FAM171A1: variants seen among roughly 807,000 people sequenced by gnomAD.
FAM171A1 encodes the protein family with sequence similarity 171 member A1.
Under a neutral mutation model 74.9 loss-of-function variants are expected in FAM171A1, and 23 were observed. The ratio of observed to expected loss-of-function variants is 0.31; its 90% confidence interval spans 0.22 to 0.44. The LOEUF is 0.44. Among genes scored for constraint, FAM171A1 ranks in the 20% least tolerant of loss-of-function variants. FAM171A1 has a pLI of 1.00. For missense variants in FAM171A1, 1,162 were observed against 1,159.2 expected (o/e 1.00, Z -0.03); for synonymous variants, 527 against 505.7 (o/e 1.04, Z -0.57).
At chr10:15,365,812 A>G (rs1836054114) in intron 1 of FAM171A1, among the ~76,000 whole-genome samples, 1 of 152,030 alleles carries the variant, frequency 6.6e-6, no homozygotes, top group South Asian at 2.1e-4. Context: ...AGAAAGAAAG[A>G]AAGATGAGCA....
rs188514220 is a variant in FAM171A1, at chr10:15,328,750, C to A, written c.97+42206G>T. ...GGGATCTGGCAACCTCATGTTCACACAGCCCAGGCCCTGGCAACCATCCTT... is the reference window on the plus strand; with the variant it reads ...GGGATCTGGCAACCTCATGTTCACAAAGCCCAGGCCCTGGCAACCATCCTT... On this transcript the variant is annotated intron_variant, in intron 1 of 7. Coordinates refer to ENST00000378116, the MANE Select transcript of FAM171A1 (RefSeq NM_001010924.2). 4.7e-3 allele frequency among the ~76,000 whole-genome samples: 712 copies of A among 152,268 alleles called. 6 individuals carry two copies. The highest frequency in any genetic ancestry group is 0.016 in the African/African-American group (645 of 41,542).
chr10:15,229,791 AT>A (rs1834173720), intron 5 of FAM171A1, among the ~76,000 whole-genome samples: 1 of 28,200 alleles, frequency 3.5e-5, no homozygotes, highest in Admixed American at 3.5e-4. Flanking sequence ...CATCACCACC[AT>A]CACCATCATC....
chr10:15,339,012 T>C (rs1043565433), intron 1 of FAM171A1, among the ~76,000 whole-genome samples: 1 of 152,224 alleles, frequency 6.6e-6, no homozygotes, highest in Admixed American at 6.5e-5. Context: ...GTGTTGGGAT[T>C]ATAGGCATGA....
In FAM171A1 at chr10:15,212,112, G is replaced by T. The variant is rs1833897311; in HGVS notation, c.*803C>A. On this transcript the variant is annotated 3_prime_UTR_variant, in exon 8 of 8. Coordinates refer to ENST00000378116, the MANE Select transcript of FAM171A1 (RefSeq NM_001010924.2). Reference sequence around the variant, plus strand: ...AAATCCAGGCAGTTCCATTAAAGGGGTTAAGAAAACCAACAACAACAAAAA... The same window carrying T: ...AAATCCAGGCAGTTCCATTAAAGGGTTTAAGAAAACCAACAACAACAAAAA... 6.6e-6 allele frequency: 1 copy of T among 152,630 alleles called. No homozygotes were observed. The highest frequency in any genetic ancestry group is 2.1e-4 in the South Asian group (1 of 4,830). 9.5% of individuals were successfully genotyped at this position (152,630 alleles called of 1,614,324 possible).
At chr10:15,302,963 C>A (rs575447363) in intron 1 of FAM171A1, among the ~76,000 whole-genome samples, 9 of 152,222 alleles carry the variant, frequency 5.9e-5, no homozygotes, top group African/African-American at 2.2e-4. Flanking sequence ...CCGAGGTAGG[C>A]GGATTACCTG....
chr10:15,267,171 G>C (rs957401287), intron 3 of FAM171A1, among the ~76,000 whole-genome samples: 7 of 152,224 alleles, frequency 4.6e-5, no homozygotes, highest in African/African-American at 1.7e-4. Context: ...GAGATCAACA[G>C]GGCCTGTGTC....
chr10:15,355,944 A>G (rs78109755), intron 1 of FAM171A1, among the ~76,000 whole-genome samples: 17 of 152,098 alleles, frequency 1.1e-4, no homozygotes, highest in Non-Finnish European at 1.9e-4. Flanking sequence ...TATCCACACC[A>G]TACCTTATCT....
At chr10:15,286,874 T>C (rs1256013743) in intron 1 of FAM171A1, among the ~76,000 whole-genome samples, 1 of 152,160 alleles carries the variant, frequency 6.6e-6, no homozygotes, top group Non-Finnish European at 1.5e-5. Context: ...GAGCTATGGG[T>C]GTGTACCAAA....
chr10:15,215,852 G>T lies in FAM171A1; in HGVS notation c.986+144C>A, dbSNP rs994804186. On this transcript the variant is annotated intron_variant, in intron 7 of 7. Transcript: ENST00000378116. ...GTTGCAACTTAGATCACAAATGTGAGTTCTTACTTTTTCATGGGAAGAAAA... is the reference window on the plus strand; with the variant it reads ...GTTGCAACTTAGATCACAAATGTGATTTCTTACTTTTTCATGGGAAGAAAA... The T allele has an allele frequency of 5.2e-6, 3 of 575,402 alleles. No individual in the cohort carries two copies. In the African/African-American group the frequency reaches 5.7e-5, roughly 11 times the overall value. The allele number at this position is 575,402 out of a possible 1,614,324, so 35.6% of individuals were successfully genotyped here.
chr10:15,360,763 A>G (rs2131888867), intron 1 of FAM171A1, among the ~76,000 whole-genome samples: 1 of 152,338 alleles, frequency 6.6e-6, no homozygotes, highest in Middle Eastern at 3.4e-3. Flanking sequence ...GTATAGTCAG[A>G]TCAGCTCATG....
chr10:15,225,045 C>T (rs1834087079), intron 5 of FAM171A1, among the ~76,000 whole-genome samples: 1 of 152,234 alleles, frequency 6.6e-6, no homozygotes, highest in Admixed American at 6.5e-5. Context: ...TGTCTTGGCA[C>T]ATCCTGGGCA....
chr10:15,305,376 AT>A (rs1002735619), intron 1 of FAM171A1, among the ~76,000 whole-genome samples: 1 of 152,194 alleles, frequency 6.6e-6, no homozygotes, highest in African/African-American at 2.4e-5. Flanking sequence ...TATAATGTCT[AT>A]AAAAGAACTG....
intron 1 of FAM171A1, among the ~76,000 whole-genome samples, chr10:15,336,890 A>C (rs915237523): frequency 2.1e-5 from 3 of 145,104 alleles, no homozygotes; most frequent in African/African-American, 7.5e-5. Context: ...GTGTACCATG[A>C]ATTTTCTTTC....
At chr10:15,294,031 G>A (rs1835132701) in intron 1 of FAM171A1, among the ~76,000 whole-genome samples, 1 of 152,192 alleles carries the variant, frequency 6.6e-6, no homozygotes, top group African/African-American at 2.4e-5. Context: ...AAGAAGCAGG[G>A]CCTTTTTCTG....
intron 3 of FAM171A1, among the ~76,000 whole-genome samples, chr10:15,255,804 C>G (rs892368678): frequency 6.6e-6 from 1 of 151,918 alleles, no homozygotes; most frequent in Non-Finnish European, 1.5e-5. Context: ...CCCGCCACCA[C>G]ACCCAGCTAA....
intron 1 of FAM171A1, among the ~76,000 whole-genome samples, chr10:15,339,014 T>C (rs540500354): frequency 1.3e-3 from 191 of 152,308 alleles, no homozygotes; most frequent in African/African-American, 4.4e-3. Flanking sequence ...GTTGGGATTA[T>C]AGGCATGAGC....
At chr10:15,219,416 C>T (rs574201435) in intron 6 of FAM171A1, among the ~76,000 whole-genome samples, 84 of 152,256 alleles carry the variant, frequency 5.5e-4, no homozygotes, top group African/African-American at 2.0e-3. Flanking sequence ...CATTTTAATG[C>T]GTGGGCTTTA....
chr10:15,291,501 T>C (rs1835101968), intron 1 of FAM171A1, among the ~76,000 whole-genome samples: 1 of 152,206 alleles, frequency 6.6e-6, no homozygotes, highest in Non-Finnish European at 1.5e-5. Flanking sequence ...GATATTTCTA[T>C]CATTGCAGAA....
chr10:15,366,332 C>T (rs2131894365), intron 1 of FAM171A1, among the ~76,000 whole-genome samples: 1 of 152,264 alleles, frequency 6.6e-6, no homozygotes, highest in East Asian at 1.9e-4. Flanking sequence ...GTTGGCCAGG[C>T]TGGTCTTGAA....
Sources: allele counts gnomAD v4.1 joint callset (sites outside exome capture counted in the v4.1 genomes callset), GRCh38; gene constraint gnomAD v4.1.1; transcripts MANE v1.5; gene names NCBI Gene and HGNC (gene_info 2026-07-23, HGNC 2026-07-21).